CCDC102B: variants seen among roughly 807,000 people sequenced by gnomAD.
CCDC102B encodes coiled-coil domain containing 102B.
Under a neutral mutation model 57.4 loss-of-function variants are expected in CCDC102B, and 75 were observed. That is an observed-to-expected ratio of 1.31 (90% CI 1.08 to 1.58). The LOEUF is 1.58. Ranked by LOEUF, CCDC102B falls within the 40% of genes most tolerant of loss-of-function variation. The pLI is 0.00. For synonymous variants in CCDC102B, 206 were observed against 201.9 expected (o/e 1.02, Z -0.17); for missense variants, 636 against 582.6 (o/e 1.09, Z -0.94).
At chr18:69,029,582 T>C (rs1275662070) in intron 7 of CCDC102B, among the ~76,000 whole-genome samples, 5 of 152,212 alleles carry the variant, frequency 3.3e-5, no homozygotes, top group African/African-American at 1.2e-4. Context: ...AATACTCCAC[T>C]GGGAAAACAT....
intron 7 of CCDC102B, among the ~76,000 whole-genome samples, chr18:69,013,204 A>G (rs1472333330): frequency 6.6e-6 from 1 of 152,110 alleles, no homozygotes; most frequent in Non-Finnish European, 1.5e-5. Flanking sequence ...ACAAACACGA[A>G]TGAAATCATG....
intron 1 of CCDC102B, among the ~76,000 whole-genome samples, chr18:68,826,081 A>C (rs1421337717): frequency 2.6e-5 from 4 of 152,228 alleles, no homozygotes; most frequent in Non-Finnish European, 5.9e-5. Context: ...GACAATTCAC[A>C]TTCTTTTAAT....
intron 2 of CCDC102B, among the ~76,000 whole-genome samples, chr18:68,784,875 G>C (rs1015541153): frequency 6.6e-6 from 1 of 151,632 alleles, no homozygotes; most frequent in Non-Finnish European, 1.5e-5. Flanking sequence ...TGTGCACATT[G>C]TGCAGGATAG....
At chr18:68,929,026 C>T (rs1463467019) in intron 6 of CCDC102B, among the ~76,000 whole-genome samples, 5 of 151,882 alleles carry the variant, frequency 3.3e-5, no homozygotes, top group African/African-American at 7.2e-5. Flanking sequence ...ACCAGGAATA[C>T]GTGCTCAATG....
chr18:68,846,838 T>C (rs8090929), intron 4 of CCDC102B, among the ~76,000 whole-genome samples: 44,034 of 151,548 alleles, frequency 0.29, 6,822 homozygotes, highest in Non-Finnish European at 0.34. Flanking sequence ...AATGACTTTA[T>C]CTTATTCTTT....
intron 7 of CCDC102B, among the ~76,000 whole-genome samples, chr18:69,037,297 A>G (rs2052321059): frequency 6.6e-6 from 1 of 152,050 alleles, no homozygotes; most frequent in Non-Finnish European, 1.5e-5. Context: ...CATCCCATGT[A>G]TATCACATTT....
intron 1 of CCDC102B, among the ~76,000 whole-genome samples, chr18:68,827,268 A>G (rs1327987540): frequency 1.3e-5 from 2 of 152,140 alleles, no homozygotes; most frequent in Non-Finnish European, 2.9e-5. Context: ...AATCTATAAG[A>G]TAGAATATCT....
At chr18:68,717,677 T>A (rs1204033295) in intron 2 of CCDC102B, among the ~76,000 whole-genome samples, 1 of 152,192 alleles carries the variant, frequency 6.6e-6, no homozygotes, top group East Asian at 1.9e-4. Flanking sequence ...TTTAAGTGTT[T>A]TTTTCTGCTT....
Position 68,935,816 on chromosome 18 carries a change from A to C in CCDC102B, c.1263+38388A>C, listed in dbSNP as rs2049220421. Among the ~76,000 whole-genome samples, 4 of 151,708 alleles carry C rather than the reference A, an allele frequency of 2.6e-5. No homozygotes were observed. In the South Asian group the frequency reaches 8.3e-4, roughly 32 times the overall value. On this transcript the variant is annotated intron_variant, in intron 6 of 7. Coordinates refer to ENST00000360242, the MANE Select transcript of CCDC102B (RefSeq NM_024781.3). ...AAGTGCAGCATCCTGGAGCTGAAGG[A>C]AGGAGGGAAGGGAGAAGAGGGAAGG...
intron 7 of CCDC102B, among the ~76,000 whole-genome samples, chr18:69,021,327 A>G (rs2051826723): frequency 6.6e-6 from 1 of 152,212 alleles, no homozygotes. Flanking sequence ...ACTTTTATCT[A>G]TGAAAAAGAT....
intron 6 of CCDC102B, among the ~76,000 whole-genome samples, chr18:68,906,989 TAAGA>T (rs1418230305): frequency 6.6e-6 from 1 of 152,180 alleles, no homozygotes; most frequent in Non-Finnish European, 1.5e-5. Flanking sequence ...TTTGTATATG[TAAGA>T]AAGAGGTCCA....
intron 5 of CCDC102B, among the ~76,000 whole-genome samples, chr18:68,892,451 A>G (rs555014960): frequency 6.6e-6 from 1 of 152,270 alleles, no homozygotes; most frequent in South Asian, 2.1e-4. Flanking sequence ...CATGGTCTCC[A>G]GAGAAGTCTC....
chr18:68,981,725 A>G (rs1191639028), intron 6 of CCDC102B, among the ~76,000 whole-genome samples: 1 of 151,982 alleles, frequency 6.6e-6, no homozygotes, highest in African/African-American at 2.4e-5. Context: ...CTGATAAAGA[A>G]TGAGAACTTG....
At chr18:68,958,509 G>A (rs550322917) in intron 6 of CCDC102B, among the ~76,000 whole-genome samples, 1 of 152,000 alleles carries the variant, frequency 6.6e-6, no homozygotes, top group African/African-American at 2.4e-5. Flanking sequence ...TAGTATTATG[G>A]TGAAGAATTT....
Position 68,736,375 on chromosome 18 carries a change from T to C in CCDC102B, c.-67+19781T>C, listed in dbSNP as rs544202638. 2.6e-5 allele frequency among the ~76,000 whole-genome samples: 4 copies of C among 152,326 alleles called. No homozygotes were observed. The South Asian group carries it at 8.3e-4, about 32-fold the overall frequency. Reference sequence around the variant, plus strand: ...GGCATCTGTGAAACACAAACATCTTTCTCCAACTTGATGGTGAATTAACGC... The same window carrying C: ...GGCATCTGTGAAACACAAACATCTTCCTCCAACTTGATGGTGAATTAACGC... On this transcript the variant is annotated intron_variant, in intron 2 of 3. Coordinates refer to the CCDC102B transcript ENST00000578970.
chr18:68,788,305 GT>G (rs2035290227), intron 2 of CCDC102B, among the ~76,000 whole-genome samples: 1 of 151,406 alleles, frequency 6.6e-6, no homozygotes, highest in South Asian at 2.1e-4. Flanking sequence ...TGTATATTCT[GT>G]TGATTTGGGG....
intron 6 of CCDC102B, among the ~76,000 whole-genome samples, chr18:69,008,448 C>T (rs1430679927): frequency 6.6e-6 from 1 of 152,148 alleles, no homozygotes; most frequent in Non-Finnish European, 1.5e-5. Context: ...TTCCAGCTGC[C>T]TGTTGGCATC....
intron 6 of CCDC102B, among the ~76,000 whole-genome samples, chr18:68,901,666 G>T (rs2040458965): frequency 6.6e-6 from 1 of 152,058 alleles, no homozygotes; most frequent in Admixed American, 6.6e-5. Flanking sequence ...CATATCCTGT[G>T]GATCTACATT....
intron 6 of CCDC102B, among the ~76,000 whole-genome samples, chr18:68,910,326 C>T (rs941960221): frequency 6.6e-6 from 1 of 151,980 alleles, no homozygotes; most frequent in Non-Finnish European, 1.5e-5. Flanking sequence ...GATAGATCAA[C>T]AAAAATCAAT....
Sources: allele counts gnomAD v4.1 joint callset (sites outside exome capture counted in the v4.1 genomes callset), GRCh38; gene constraint gnomAD v4.1.1; transcripts MANE v1.5; gene names NCBI Gene and HGNC (gene_info 2026-07-23, HGNC 2026-07-21).